Variants in TECTA observed in about 807,000 individuals in gnomAD.
The protein encoded by TECTA is alpha-tectorin.
TECTA carries 128 observed loss-of-function variants against 216.8 expected under a neutral mutation model. That is an observed-to-expected ratio of 0.59 (90% CI 0.51 to 0.68). The LOEUF (loss-of-function observed/expected upper bound fraction) is 0.68, where lower values mean the gene tolerates loss of function less well. Ranked by LOEUF, TECTA falls within the 30% of genes least tolerant of loss-of-function variation. The pLI, the probability that TECTA is intolerant of heterozygous loss-of-function variation, is 0.00. For synonymous variants in TECTA, 1,089 were observed against 1,117.1 expected (o/e 0.97, Z 0.50); for missense variants, 2,551 against 2,786.2 (o/e 0.92, Z 1.90).
At chr11:121,134,522 G>A (rs965157383) in intron 10 of TECTA, among the ~76,000 whole-genome samples, 1 of 152,070 alleles carries the variant, frequency 6.6e-6, no homozygotes, top group East Asian at 1.9e-4. Context: ...GAGCCTCCAC[G>A]GCTTCTGTCG....
chr11:121,188,580 G>A (rs1443825945), intron 21 of TECTA, among the ~76,000 whole-genome samples: 2 of 152,190 alleles, frequency 1.3e-5, no homozygotes, highest in African/African-American at 2.4e-5. Context: ...GCAAACCAAT[G>A]ATCTCTTCTG....
intron 6 of TECTA, among the ~76,000 whole-genome samples, chr11:121,114,166 G>C (rs879163721): frequency 2.0e-5 from 3 of 152,110 alleles, no homozygotes; most frequent in African/African-American, 7.2e-5. Flanking sequence ...GTATTGCCAA[G>C]TTCCTATGAG....
At chr11:121,117,019 TAG>T (rs1946508122) in intron 6 of TECTA, among the ~76,000 whole-genome samples, 1 of 152,232 alleles carries the variant, frequency 6.6e-6, no homozygotes, top group Admixed American at 6.5e-5. Context: ...GTTGGGCAGA[TAG>T]AGTCAAGACT....
At chr11:121,188,031 T>C (rs1947304844) in intron 21 of TECTA, 37 bp downstream of exon 21, 3 of 1,612,280 alleles carry the variant, frequency 1.9e-6, no homozygotes, top group Non-Finnish European at 2.5e-6. Flanking sequence ...CTTAGCCTTA[T>C]TTCTCACTGT....
At chr11:121,188,584 T>G (rs915931276) in intron 21 of TECTA, among the ~76,000 whole-genome samples, 1 of 152,190 alleles carries the variant, frequency 6.6e-6, no homozygotes, top group Admixed American at 6.5e-5. Context: ...ACCAATGATC[T>G]CTTCTGTGCC....
intron 22 of TECTA, among the ~76,000 whole-genome samples, chr11:121,189,379 T>C (rs1300796531): frequency 1.3e-5 from 2 of 151,632 alleles, no homozygotes; most frequent in South Asian, 2.1e-4. Context: ...CCTCCTCTTT[T>C]TTTTTTTTCT....
intron 16 of TECTA, among the ~76,000 whole-genome samples, 196 bp downstream of exon 16, chr11:121,162,566 T>C (rs1007975425): frequency 1.8e-4 from 28 of 152,206 alleles, no homozygotes; most frequent in African/African-American, 5.8e-4. Flanking sequence ...CTAACCCACC[T>C]ACGGCTCCTG....
chr11:121,163,970 C>T (rs1030766434), intron 16 of TECTA, among the ~76,000 whole-genome samples: 1 of 152,190 alleles, frequency 6.6e-6, no homozygotes, highest in African/African-American at 2.4e-5. Context: ...ATGTATTTAA[C>T]TTATGCTGAT....
chr11:121,107,365 G>A (rs73599470), intron 3 of TECTA, among the ~76,000 whole-genome samples: 3,452 of 152,218 alleles, frequency 0.023, 132 homozygotes, highest in African/African-American at 0.078. Context: ...TGTTCCTTGC[G>A]TTTCCAACAC....
At chr11:121,142,516 C>T (rs1157528663) in intron 11 of TECTA, among the ~76,000 whole-genome samples, 1 of 152,170 alleles carries the variant, frequency 6.6e-6, no homozygotes, top group Non-Finnish European at 1.5e-5. Context: ...AATTTGCAAG[C>T]CTTTTAGCTT....
intron 20 of TECTA, among the ~76,000 whole-genome samples, chr11:121,174,145 A>G (rs1378039810): frequency 1.3e-5 from 2 of 152,074 alleles, no homozygotes; most frequent in Admixed American, 6.6e-5. Context: ...AACAGGGACA[A>G]TTTGTCTTCC....
chr11:121,118,564 G>A lies in TECTA; in HGVS notation c.1049G>A (p.Arg350Gln), dbSNP rs137951168. ...GGCTCCTGTGCCTACTTGCTGGCCCGACAGTGTTTGCAGACTTCCAGCCTC... is the reference window on the plus strand; with the variant it reads ...GGCTCCTGTGCCTACTTGCTGGCCCAACAGTGTTTGCAGACTTCCAGCCTC... ...FQGSCAYLLA[R>Q]QCLQTSSLPF... is the part of the protein sequence containing the mutation. Residue 350 changes from arginine (R) to glutamine (Q), a missense_variant, in exon 7 of 24, where the codon CGA (arginine) becomes CAA (glutamine). Physicochemically the swap from Arg to Gln is conservative, Grantham distance 43 (BLOSUM62 1). Transcript: ENST00000392793. The A allele has an allele frequency of 2.1e-5, 34 of 1,614,030 alleles. No homozygotes were observed. The highest frequency in any genetic ancestry group is 2.8e-5 in the Non-Finnish European group (33 of 1,180,034).
At chr11:121,147,487 A>G (rs1039555815) in intron 12 of TECTA, among the ~76,000 whole-genome samples, 1 of 152,166 alleles carries the variant, frequency 6.6e-6, no homozygotes, top group African/African-American at 2.4e-5. Flanking sequence ...AGGGTGGGAA[A>G]TGGTGCCAGT....
At chr11:121,168,646 G>T in intron 19 of TECTA, 31 bp from the exon 20 acceptor site, 2 of 1,613,928 alleles carry the variant, frequency 1.2e-6, no homozygotes, top group South Asian at 1.1e-5. Context: ...CATTGTTTTG[G>T]ATTCCTGTCT....
chr11:121,109,046 C>A (rs376431616), intron 3 of TECTA, among the ~76,000 whole-genome samples, 165 bp from the exon 4 acceptor site: 106 of 152,282 alleles, frequency 7.0e-4, no homozygotes, highest in African/African-American at 2.4e-3. Flanking sequence ...TGGAAGTAAA[C>A]GAACCTCTTA....
At chr11:121,169,327 A>G (rs2134198489) in intron 20 of TECTA, among the ~76,000 whole-genome samples, 1 of 152,358 alleles carries the variant, frequency 6.6e-6, no homozygotes, top group East Asian at 1.9e-4. Context: ...AATAAAAAAG[A>G]AGTTAACCTA....
chr11:121,190,396 C>G (rs1159410247), intron 23 of TECTA, among the ~76,000 whole-genome samples: 14 of 152,202 alleles, frequency 9.2e-5, no homozygotes, highest in Non-Finnish European at 2.9e-5. Context: ...ACCGGAGTAA[C>G]TGGGACTACA....
At chr11:121,166,837 T>A in intron 18 of TECTA, 57 bp downstream of exon 18, 1 of 1,600,962 alleles carries the variant, frequency 6.2e-7, no homozygotes, top group Non-Finnish European at 8.5e-7. Flanking sequence ...TTCGAGTGTT[T>A]GCACATTTAT....
At chr11:121,155,749 T>G (rs1946934610) in intron 13 of TECTA, among the ~76,000 whole-genome samples, 2 of 152,220 alleles carry the variant, frequency 1.3e-5, no homozygotes, top group Admixed American at 6.5e-5. Flanking sequence ...CACATCTCTA[T>G]GACACAGTCT....
Sources: gnomAD v4.1 joint callset for allele counts (sites outside exome capture counted in the v4.1 genomes callset) on GRCh38, gnomAD v4.1.1 for gene constraint, MANE v1.5 for transcripts, NCBI Gene and HGNC (gene_info 2026-07-23, HGNC 2026-07-21) for gene names.